CDC42SE2: variants seen among roughly 807,000 people sequenced by gnomAD.
CDC42SE2 encodes CDC42 small effector protein 2.
A neutral mutation model predicts 11.5 loss-of-function variants in CDC42SE2; 3 were observed. The ratio of observed to expected loss-of-function variants is 0.26; its 90% CI spans 0.12 to 0.67. The LOEUF (loss-of-function observed/expected upper bound fraction) is 0.67. Ranked by LOEUF, CDC42SE2 falls within the 30% of genes least tolerant of loss-of-function variation. The pLI, the probability that CDC42SE2 is intolerant of heterozygous loss-of-function variation, is 0.80. For synonymous variants in CDC42SE2, 33 were observed against 34.8 expected, an observed-to-expected ratio of 0.95 and a Z score of 0.18; for missense variants, 82 against 106.8, an observed-to-expected ratio of 0.77 and a Z score of 1.02.
At chr5:131,251,155 C>T (rs1198357116) in intron 1 of CDC42SE2, among the ~76,000 whole-genome samples, 2 of 151,972 alleles carry the variant, frequency 1.3e-5, no homozygotes, top group Non-Finnish European at 2.9e-5. Context: ...AATGACTTAA[C>T]ATTTTGTGTA....
At chr5:131,326,102 C>T (rs932293981) in intron 2 of CDC42SE2, among the ~76,000 whole-genome samples, 1 of 151,682 alleles carries the variant, frequency 6.6e-6, no homozygotes, top group South Asian at 2.1e-4. Context: ...AGTTTACAAA[C>T]GAGATTTTTT....
At chr5:131,236,351 T>G in the CDC42SE2 span, among the ~76,000 whole-genome samples, 5 of 152,220 alleles carry the variant, frequency 3.3e-5, no homozygotes, top group African/African-American at 7.2e-5. Context: ...TTTAATTTTT[T>G]ACATTTAAAT....
At chr5:131,225,918 G>T in the CDC42SE2 span, among the ~76,000 whole-genome samples, 1 of 152,178 alleles carries the variant, frequency 6.6e-6, no homozygotes, top group African/African-American at 2.4e-5. Context: ...GTTGGATCAG[G>T]GTGGAAGGAA....
intron 2 of CDC42SE2, among the ~76,000 whole-genome samples, chr5:131,322,762 G>A (rs550920492): frequency 2.6e-5 from 4 of 152,104 alleles, no homozygotes; most frequent in Non-Finnish European, 4.4e-5. Flanking sequence ...TATGAATGTG[G>A]GTGGGCAAAT....
At chr5:131,350,231 A>G (rs1755747526) in intron 2 of CDC42SE2, among the ~76,000 whole-genome samples, 1 of 152,056 alleles carries the variant, frequency 6.6e-6, no homozygotes, top group Non-Finnish European at 1.5e-5. Flanking sequence ...CATTTTTAAA[A>G]AAAGATTAAA....
At chr5:131,308,064 T>C (rs1312675907) in intron 1 of CDC42SE2, among the ~76,000 whole-genome samples, 2 of 152,218 alleles carry the variant, frequency 1.3e-5, no homozygotes, top group Non-Finnish European at 2.9e-5. Flanking sequence ...AGAAGCTCTT[T>C]AGTTTAATTA....
At chr5:131,298,498 C>T (rs151081552) in intron 1 of CDC42SE2, among the ~76,000 whole-genome samples, 151 of 151,372 alleles carry the variant, frequency 1.0e-3, no homozygotes, top group Non-Finnish European at 1.7e-3. Flanking sequence ...TTTAGTATGA[C>T]GTCACAAATA....
At chr5:131,292,110 A>G (rs1270215718) in intron 1 of CDC42SE2, among the ~76,000 whole-genome samples, 1 of 151,758 alleles carries the variant, frequency 6.6e-6, no homozygotes, top group East Asian at 1.9e-4. Context: ...ATGGTGGCGC[A>G]TGCCTGTTGT....
chr5:131,330,523 C>G (rs1348638610), intron 2 of CDC42SE2, among the ~76,000 whole-genome samples: 1 of 152,104 alleles, frequency 6.6e-6, no homozygotes, highest in East Asian at 1.9e-4. Flanking sequence ...TTTCAGTTCA[C>G]TTTTATAATA....
At position 131,391,167 on chromosome 5, in the gene CDC42SE2, G is replaced by A. The variant is rs1750640427; in HGVS notation, c.*76G>A. The A allele has an allele frequency of 1.4e-6, 1 of 720,304 alleles. No homozygotes were observed. Among genetic ancestry groups the A allele is most frequent in the Non-Finnish European group, 2.2e-6 (1 of 458,866 alleles). 44.6% of individuals were successfully genotyped at this position (720,304 alleles called of 1,614,324 possible). ...GCCAGACATGGCCAGGCCAATAATAGTAAATATATGTATATATATATAATT... is the reference window on the plus strand; with the variant it reads ...GCCAGACATGGCCAGGCCAATAATAATAAATATATGTATATATATATAATT... On this transcript the variant is annotated 3_prime_UTR_variant, in exon 5 of 5. Transcript: ENST00000505065.
At position 131,322,075 on chromosome 5, in the gene CDC42SE2, C is replaced by G. The variant is rs144863964; in HGVS notation, c.-286+5931C>G. Among the ~76,000 whole-genome samples, 213 of 152,276 alleles carry G rather than the reference C, an allele frequency of 1.4e-3. 1 individual carries two copies. Among genetic ancestry groups the G allele is most frequent in the African/African-American group, 4.9e-3 (204 of 41,562 alleles). On this transcript the variant is annotated intron_variant, in intron 2 of 4. Coordinates refer to ENST00000505065, the MANE Select transcript of CDC42SE2 (RefSeq NM_001375635.1). ...CCGTGTTAGCCAGGATGGTCTCGAT[C>G]TCCTGACCTCGTGATTCACCTGCCT...
chr5:131,331,779 T>A (rs1054243752), intron 2 of CDC42SE2, among the ~76,000 whole-genome samples: 12 of 152,314 alleles, frequency 7.9e-5, no homozygotes, highest in African/African-American at 2.9e-4. Context: ...TGACAACTGG[T>A]TAGTATTTTC....
At position 131,383,504 on chromosome 5, in the gene CDC42SE2, A is replaced by G. The variant is rs76340516; in HGVS notation, c.55-2039A>G. On this transcript the variant is annotated intron_variant, in intron 3 of 4. Coordinates refer to ENST00000505065, the MANE Select transcript of CDC42SE2 (RefSeq NM_001375635.1). ...TTATAGACTTATAATTTATATAGTT[A>G]AGTGTTTTTAGGGAAAAGAGTGAAA... is the stretch of plus-strand genomic sequence containing the variant. 6.6e-3 allele frequency among the ~76,000 whole-genome samples: 1,005 copies of G among 152,296 alleles called. 8 individuals carry two copies. Among genetic ancestry groups the G allele is most frequent in the Non-Finnish European group, 0.011 (745 of 68,026 alleles).
At chr5:131,225,816 T>C in the CDC42SE2 span, among the ~76,000 whole-genome samples, 3 of 151,918 alleles carry the variant, frequency 2.0e-5, no homozygotes, top group African/African-American at 7.3e-5. Flanking sequence ...GTGTGACCTA[T>C]GAGAAGGAAC....
rs541477453 is a variant in CDC42SE2 at position 131,313,504 on chromosome 5, A to G, written c.-454-2472A>G. 2.1e-3 allele frequency among the ~76,000 whole-genome samples: 315 copies of G among 152,190 alleles called. 2 individuals are homozygous for G. Among genetic ancestry groups the G allele is most frequent in the African/African-American group, 7.4e-3 (306 of 41,528 alleles). ...TTATGGTTTTACCTTTAGGTCTGTG[A>G]TTGATTTTGAGTTAATTTTGGCATG... is the stretch of plus-strand genomic sequence containing the variant. On this transcript the variant is annotated intron_variant, in intron 1 of 4. Coordinates refer to ENST00000505065, the MANE Select transcript of CDC42SE2 (RefSeq NM_001375635.1).
chr5:131,214,461 G>A, the CDC42SE2 span, among the ~76,000 whole-genome samples: 3 of 152,170 alleles, frequency 2.0e-5, no homozygotes, highest in Non-Finnish European at 4.4e-5. Flanking sequence ...AGGGATGTTA[G>A]GCTTCCTGCC....
chr5:131,388,891 C>G, intron 4 of CDC42SE2, among the ~76,000 whole-genome samples: 1 of 151,950 alleles, frequency 6.6e-6, no homozygotes, highest in Admixed American at 6.6e-5. Context: ...ATTCTGTTGC[C>G]CAGGCTGGAG....
At chr5:131,230,167 C>T in the CDC42SE2 span, among the ~76,000 whole-genome samples, 1 of 152,150 alleles carries the variant, frequency 6.6e-6, no homozygotes, top group Non-Finnish European at 1.5e-5. Context: ...CTGTCGCCTC[C>T]TTTTAATTTC....
chr5:131,281,964 C>G (rs544054442), intron 1 of CDC42SE2, among the ~76,000 whole-genome samples: 1 of 152,266 alleles, frequency 6.6e-6, no homozygotes, highest in East Asian at 1.9e-4. Flanking sequence ...TTCAACAATA[C>G]CATATCGTTT....
Sources: allele counts gnomAD v4.1 joint callset (sites outside exome capture counted in the v4.1 genomes callset), GRCh38; gene constraint gnomAD v4.1.1; transcripts MANE v1.5; gene names NCBI Gene and HGNC (gene_info 2026-07-23, HGNC 2026-07-21).